The following SIK2 variants were observed in gnomAD, a reference collection of about 807,000 sequenced individuals.
SIK2 encodes the protein serine/threonine-protein kinase SIK2.
A neutral mutation model predicts 103.2 loss-of-function variants in SIK2; 29 were observed. The ratio of observed to expected loss-of-function variants is 0.28; its 90% CI spans 0.21 to 0.38. SIK2 has a LOEUF of 0.38. Among genes scored for constraint, SIK2 ranks in the 10% least tolerant of loss-of-function variants. The probability of loss-of-function intolerance (pLI) is 1.00; values close to 1 mark genes in which losing one functional copy is unlikely to be tolerated. For missense variants in SIK2, 879 were observed against 1,171.0 expected (o/e 0.75, Z 3.64); for synonymous variants, 412 against 446.1 (o/e 0.92, Z 0.96).
chr11:111,609,448 A>G (rs1024066485), intron 1 of SIK2, among the ~76,000 whole-genome samples: 1 of 152,080 alleles, frequency 6.6e-6, no homozygotes, highest in Admixed American at 6.6e-5. Flanking sequence ...CAGCCTTCCA[A>G]GTAGCTGGAA....
chr11:111,685,785 G>A (rs1442863932), intron 3 of SIK2, among the ~76,000 whole-genome samples: 1 of 152,142 alleles, frequency 6.6e-6, no homozygotes, highest in Non-Finnish European at 1.5e-5. Context: ...AGGAGGTTGA[G>A]GTTGAGGTGA....
At chr11:111,669,223 A>G (rs1405351328) in intron 3 of SIK2, among the ~76,000 whole-genome samples, 7 of 152,140 alleles carry the variant, frequency 4.6e-5, no homozygotes, top group African/African-American at 1.7e-4. Context: ...GGTGAGAGAG[A>G]GAGTGTGTGT....
chr11:111,656,767 G>A (rs894362580), intron 3 of SIK2, among the ~76,000 whole-genome samples: 7 of 152,102 alleles, frequency 4.6e-5, no homozygotes, highest in Non-Finnish European at 7.4e-5. Context: ...TGAGTTACTC[G>A]TAAGCTAGTT....
intron 3 of SIK2, among the ~76,000 whole-genome samples, chr11:111,632,152 G>A (rs1052212319): frequency 2.6e-5 from 4 of 152,152 alleles, no homozygotes; most frequent in African/African-American, 9.6e-5. Flanking sequence ...TTGGCTTCAA[G>A]CTTTGTGGCT....
At position 111,721,179 on chromosome 11, in the gene SIK2, T is replaced by C. The variant is rs145173016; in HGVS notation, c.1944+117T>C. 90 of 1,271,108 alleles carry C rather than the reference T, an allele frequency of 7.1e-5. No individual in the cohort carries two copies. In the East Asian group the frequency reaches 2.1e-3, roughly 29 times the overall value. 78.7% of individuals were successfully genotyped at this position (1,271,108 alleles called of 1,614,324 possible). On this transcript the variant is annotated intron_variant, in intron 12 of 14. Coordinates refer to ENST00000304987, the MANE Select transcript of SIK2 (RefSeq NM_015191.3). The stretch of plus-strand genomic sequence containing the variant: ...CCAGTCCTGGAGCAAACAGGCTGTT[T>C]GGGAAAACCCACAGCTTCTTTGCCT...
At chr11:111,655,208 C>T (rs1020102205) in intron 3 of SIK2, among the ~76,000 whole-genome samples, 5 of 152,170 alleles carry the variant, frequency 3.3e-5, no homozygotes, top group African/African-American at 1.2e-4. Context: ...TCAAGACCAG[C>T]CTGGCCAACA....
intron 3 of SIK2, among the ~76,000 whole-genome samples, chr11:111,636,802 A>G (rs189556120): frequency 6.6e-6 from 1 of 152,308 alleles, no homozygotes; most frequent in Admixed American, 6.5e-5. Flanking sequence ...AATAATGAGG[A>G]TATTGTTCCA....
chr11:111,621,731 A>G (rs1941888911), intron 3 of SIK2, among the ~76,000 whole-genome samples: 1 of 152,134 alleles, frequency 6.6e-6, no homozygotes, highest in Admixed American at 6.5e-5. Context: ...CCTGGCCAAC[A>G]TGGTGAAACC....
At chr11:111,704,305 C>G (rs960455819) in intron 7 of SIK2, among the ~76,000 whole-genome samples, 2 of 152,158 alleles carry the variant, frequency 1.3e-5, no homozygotes, top group African/African-American at 4.8e-5. Context: ...GCACCCATGC[C>G]GACTGTCAGG....
At chr11:111,659,925 C>G (rs1329593188) in intron 3 of SIK2, among the ~76,000 whole-genome samples, 3 of 152,220 alleles carry the variant, frequency 2.0e-5, no homozygotes, top group African/African-American at 7.2e-5. Context: ...CTCACTCTGC[C>G]AGCCTCAGCT....
Position 111,722,728 on chromosome 11 carries a change from A to G in SIK2, c.2119A>G (p.Ser707Gly), listed in dbSNP as rs375375895. Reference sequence around the variant, plus strand: ...GCTTTATTGCAAAGAACCACCGCGGAGCCTTGAGCAGCAGCTGCAGGAACA... The same window carrying G: ...GCTTTATTGCAAAGAACCACCGCGGGGCCTTGAGCAGCAGCTGCAGGAACA... ...CQLYCKEPPR[S>G]LEQQLQEHRL... The change falls in exon 14 of 15, where the codon AGC becomes GGC. Residue 707 changes from serine (S) to glycine (G), a missense_variant. Ser to Gly is a moderately conservative substitution (Grantham distance 56). This residue lies in a region of SIK2 where 375 missense variants were observed against 416.3 expected (regional missense o/e 0.90). Coordinates refer to ENST00000304987, the MANE Select transcript of SIK2 (RefSeq NM_015191.3). This position sits in a 1 kb window ranked among gnomAD's most constrained non-coding sequence, Gnocchi z 4.4. 4 of 1,614,106 alleles carry G rather than the reference A, an allele frequency of 2.5e-6. No homozygotes were observed. The highest frequency in any genetic ancestry group is 3.4e-6 in the Non-Finnish European group (4 of 1,179,998).
chr11:111,706,033 G>A (rs1404593628), intron 8 of SIK2, among the ~76,000 whole-genome samples: 1 of 152,182 alleles, frequency 6.6e-6, no homozygotes, highest in African/African-American at 2.4e-5. Flanking sequence ...TTAGAAGCAG[G>A]GACTCTGGAG....
At chr11:111,607,602 A>G (rs1160130978) in intron 1 of SIK2, among the ~76,000 whole-genome samples, 1 of 152,198 alleles carries the variant, frequency 6.6e-6, no homozygotes, top group African/African-American at 2.4e-5. Flanking sequence ...CTTGTTACCA[A>G]ATAACTCAAT....
chr11:111,625,774 C>A (rs1043013047), intron 3 of SIK2, among the ~76,000 whole-genome samples: 2 of 152,058 alleles, frequency 1.3e-5, no homozygotes, highest in Admixed American at 1.3e-4. Flanking sequence ...AATAGACAAC[C>A]CTTTCAAGGA....
chr11:111,632,484 A>G (rs1252847605), intron 3 of SIK2, among the ~76,000 whole-genome samples: 1 of 152,124 alleles, frequency 6.6e-6, no homozygotes, highest in Non-Finnish European at 1.5e-5. Context: ...CTCTTACCAT[A>G]TATCAGGCAT....
chr11:111,644,388 A>T (rs1942227401), intron 3 of SIK2, among the ~76,000 whole-genome samples: 1 of 151,898 alleles, frequency 6.6e-6, no homozygotes, highest in Non-Finnish European at 1.5e-5. Flanking sequence ...CTTTTTTTAC[A>T]TTTAAAAAAA....
chr11:111,719,356 CTT>C (rs10595659), intron 9 of SIK2, among the ~76,000 whole-genome samples: 14,931 of 118,606 alleles, frequency 0.13, 1,133 homozygotes, highest in Non-Finnish European at 0.17. Context: ...GTGACTACCC[CTT>C]TTTTTTTTTT....
rs1445508465 is a variant in SIK2 at position 111,688,220 on chromosome 11, G to T, written c.478+58G>T. 10 of 1,576,878 alleles carry T rather than the reference G, an allele frequency of 6.3e-6. No homozygotes were observed. Among genetic ancestry groups the T allele is most frequent in the Non-Finnish European group, 8.7e-6 (10 of 1,148,934 alleles). Reference sequence around the variant, plus strand: ...CGAAGTGAGCCACTGCACTCAGTGTGTGGAAACAGACCTGCAGGCGCAGAT... The same window carrying T: ...CGAAGTGAGCCACTGCACTCAGTGTTTGGAAACAGACCTGCAGGCGCAGAT... On this transcript the variant is annotated intron_variant, in intron 4 of 14. Transcript: ENST00000304987. The surrounding 1 kb of genome is among the most constrained non-coding windows in gnomAD (Gnocchi z 4.2).
chr11:111,678,042 G>C (rs1178587378), intron 3 of SIK2, among the ~76,000 whole-genome samples: 1 of 152,170 alleles, frequency 6.6e-6, no homozygotes, highest in African/African-American at 2.4e-5. Context: ...GTTTGACTTT[G>C]ACTTCTTCAG....
Sources: allele counts gnomAD v4.1 joint callset (sites outside exome capture counted in the v4.1 genomes callset), GRCh38; gene constraint gnomAD v4.1.1; regional missense constraint gnomAD v4.1.1; non-coding constraint Gnocchi (gnomAD v3.1); transcripts MANE v1.5; gene names NCBI Gene and HGNC (gene_info 2026-07-23, HGNC 2026-07-21).